The following SCCPDH variants were observed in gnomAD, a reference collection of about 807,000 sequenced individuals.
SCCPDH encodes saccharopine dehydrogenase-like oxidoreductase.
In SCCPDH, 34 loss-of-function variants were observed where a neutral mutation model predicts 51.5. That is an observed-to-expected ratio of 0.66 (90% CI 0.50 to 0.88). SCCPDH has a LOEUF of 0.88. Among genes scored for constraint, SCCPDH ranks in the 40% least tolerant of loss-of-function variants. The probability of loss-of-function intolerance (pLI) is 0.00; values close to 1 mark genes in which losing one functional copy is unlikely to be tolerated. For synonymous variants in SCCPDH, 187 were observed against 191.3 expected (o/e 0.98, Z 0.19); for missense variants, 464 against 527.1 (o/e 0.88, Z 1.17).
At chr1:246,736,093 A>G (rs1403457753) in intron 3 of SCCPDH, 38 bp downstream of exon 3, 1 of 1,425,308 alleles carries the variant, frequency 7.0e-7, no homozygotes, top group Admixed American at 1.8e-5. Flanking sequence ...GAATTAACAC[A>G]TAAATTTCGG....
chr1:246,735,221 C>A (rs1323494433), intron 2 of SCCPDH, among the ~76,000 whole-genome samples: 1 of 152,208 alleles, frequency 6.6e-6, no homozygotes, highest in Non-Finnish European at 1.5e-5. Flanking sequence ...TGTGGTCCTT[C>A]CTGATGTGGC....
rs1669101437 is a variant in SCCPDH at position 246,767,376 on chromosome 1, T to C, written c.*76T>C. On this transcript the variant is annotated 3_prime_UTR_variant, in exon 12 of 12. Coordinates refer to ENST00000366510, the MANE Select transcript of SCCPDH (RefSeq NM_016002.3). ...CTATTTGATATTTGAAATTCTTCTG[T>C]AAGCCTGTCTGAGTGTATGTGGAAA... 1 of 806,138 alleles carries C rather than the reference T, an allele frequency of 1.2e-6. No individual in the cohort carries two copies. Among genetic ancestry groups the C allele is most frequent in the Non-Finnish European group, 1.9e-6 (1 of 535,440 alleles). The allele number at this position is 806,138 out of a possible 1,614,324, so 49.9% of individuals were successfully genotyped here. A position where few individuals can be genotyped will look rare whatever the true frequency, so the allele number is the denominator to read the frequency against.
At chr1:246,762,841 CAAAAAAA>C (rs35066232) in intron 9 of SCCPDH, among the ~76,000 whole-genome samples, 29 of 90,910 alleles carry the variant, frequency 3.2e-4, no homozygotes, top group Middle Eastern at 5.7e-3. Context: ...ATTCCTTCTC[CAAAAAAA>C]AAAAAAAAAA....
At chr1:246,759,444 G>T (rs1471095525) in intron 7 of SCCPDH, among the ~76,000 whole-genome samples, 3 of 152,136 alleles carry the variant, frequency 2.0e-5, no homozygotes, top group African/African-American at 4.8e-5. Flanking sequence ...GGTTTCAGTT[G>T]CTAGAAACTC....
At chr1:246,739,333 T>C (rs1304859775) in intron 3 of SCCPDH, among the ~76,000 whole-genome samples, 1 of 152,154 alleles carries the variant, frequency 6.6e-6, no homozygotes, top group Non-Finnish European at 1.5e-5. Context: ...AAACTCATAA[T>C]AATAATGAGA....
At chr1:246,752,515 A>C (rs1370972465) in intron 5 of SCCPDH, among the ~76,000 whole-genome samples, 1 of 152,250 alleles carries the variant, frequency 6.6e-6, no homozygotes, top group East Asian at 1.9e-4. Context: ...GCAGCCCGTC[A>C]CAGAGAAGAC....
intron 9 of SCCPDH, among the ~76,000 whole-genome samples, chr1:246,761,015 T>A (rs6426332): frequency 6.6e-6 from 1 of 151,922 alleles, no homozygotes; most frequent in Non-Finnish European, 1.5e-5. Context: ...AAATTCCTAC[T>A]CTCAGACCTA....
At chr1:246,739,627 A>T (rs943422560) in intron 3 of SCCPDH, among the ~76,000 whole-genome samples, 1 of 152,236 alleles carries the variant, frequency 6.6e-6, no homozygotes, top group African/African-American at 2.4e-5. Context: ...CATGTAAAAG[A>T]TGTTAAAAAT....
At chr1:246,752,032 G>A (rs1012377594) in intron 5 of SCCPDH, among the ~76,000 whole-genome samples, 2 of 150,442 alleles carry the variant, frequency 1.3e-5, no homozygotes, top group Non-Finnish European at 3.0e-5. Flanking sequence ...CACCCGCCTC[G>A]GCCTCCCAAA....
chr1:246,758,188 C>G (rs1307714428), intron 5 of SCCPDH, 38 bp from the exon 6 acceptor site: 7 of 1,490,074 alleles, frequency 4.7e-6, no homozygotes. Context: ...TAGTAACTAC[C>G]CTTTCATGTT....
intron 5 of SCCPDH, among the ~76,000 whole-genome samples, chr1:246,756,091 T>C (rs1668926549): frequency 6.6e-6 from 1 of 152,222 alleles, no homozygotes; most frequent in Admixed American, 6.5e-5. Context: ...TTGTGTACTT[T>C]TAAAATTGAG....
At chr1:246,752,954 C>A (rs1440461744) in intron 5 of SCCPDH, among the ~76,000 whole-genome samples, 2 of 151,876 alleles carry the variant, frequency 1.3e-5, no homozygotes, top group Admixed American at 1.3e-4. Flanking sequence ...TCTCCCTTTG[C>A]CTCTTCGTCT....
chr1:246,761,860 A>G lies in SCCPDH; in HGVS notation c.990+1633A>G, dbSNP rs142442770. ...GTTATGCTGCTGCGAACATGGGTGT[A>G]CAGATACCTCTTCAAGACTCTGCTT... On this transcript the variant is annotated intron_variant, in intron 9 of 11. Coordinates refer to ENST00000366510, the MANE Select transcript of SCCPDH (RefSeq NM_016002.3). 6.0e-3 allele frequency among the ~76,000 whole-genome samples: 907 copies of G among 152,328 alleles called. 11 individuals carry two copies. Among genetic ancestry groups the G allele is most frequent in the African/African-American group, 0.02 (842 of 41,582 alleles).
At chr1:246,745,079 C>T (rs1464381136) in intron 5 of SCCPDH, among the ~76,000 whole-genome samples, 1 of 152,234 alleles carries the variant, frequency 6.6e-6, no homozygotes, top group East Asian at 1.9e-4. Flanking sequence ...ATAGTTTTAT[C>T]ATGCGCCTAA....
intron 5 of SCCPDH, among the ~76,000 whole-genome samples, chr1:246,747,335 A>T (rs553326663): frequency 6.6e-6 from 1 of 152,292 alleles, no homozygotes; most frequent in Middle Eastern, 3.4e-3. Context: ...AAGCCAGTTG[A>T]TGTGACCTGG....
Position 246,744,115 on chromosome 1 carries a change from C to T in SCCPDH, c.554C>T (p.Ser185Leu), listed in dbSNP as rs1056028850. 1 of 1,600,114 alleles carries T rather than the reference C, an allele frequency of 6.2e-7. No individual in the cohort carries two copies. Among genetic ancestry groups the T allele is most frequent in the Non-Finnish European group, 8.5e-7 (1 of 1,169,758 alleles). ...TAVESFLTIH[S>L]GPEGLSIHDG... ...GTGGAAAGTTTCCTGACTATACATTCAGGACCTGAGGTTGGTTTTTTGGTT... is the reference window on the plus strand; with the variant it reads ...GTGGAAAGTTTCCTGACTATACATTTAGGACCTGAGGTTGGTTTTTTGGTT... Residue 185 changes from serine (S) to leucine (L), a missense_variant, in exon 5 of 12, where the codon TCA becomes TTA. Coordinates refer to ENST00000366510, the MANE Select transcript of SCCPDH (RefSeq NM_016002.3).
Position 246,744,108 on chromosome 1 carries a change from A to C in SCCPDH, c.547A>C (p.Ile183Leu), listed in dbSNP as rs141926725. 6 of 1,601,522 alleles carry C rather than the reference A, an allele frequency of 3.7e-6. No individual in the cohort carries two copies. Among genetic ancestry groups the C allele is most frequent in the Non-Finnish European group, 5.1e-6 (6 of 1,170,852 alleles). Residue 183 changes from isoleucine (I) to leucine (L), a missense_variant, in exon 5 of 12, where the codon ATA (isoleucine) becomes CTA (leucine). Ile to Leu is a conservative substitution (Grantham distance 5, BLOSUM62 2). Coordinates refer to ENST00000366510, the MANE Select transcript of SCCPDH (RefSeq NM_016002.3). ...TLTAVESFLT[I>L]HSGPEGLSIH... ...GACTGCTGTGGAAAGTTTCCTGACT[A>C]TACATTCAGGACCTGAGGTTGGTTT...
intron 9 of SCCPDH, 57 bp downstream of exon 9, chr1:246,760,284 A>G: frequency 3.6e-6 from 5 of 1,402,636 alleles, no homozygotes; most frequent in Middle Eastern, 2.5e-4. Flanking sequence ...CAATGACGGT[A>G]TCATCTAACA....
chr1:246,731,771 C>T (rs770962642), intron 2 of SCCPDH, among the ~76,000 whole-genome samples: 4 of 152,082 alleles, frequency 2.6e-5, no homozygotes, highest in African/African-American at 4.8e-5. Flanking sequence ...CATGCAGGCT[C>T]GTTACATAGG....
Sources: allele counts gnomAD v4.1 joint callset (sites outside exome capture counted in the v4.1 genomes callset), GRCh38; gene constraint gnomAD v4.1.1; transcripts MANE v1.5; gene names NCBI Gene and HGNC (gene_info 2026-07-23, HGNC 2026-07-21).